Variants in CCKBR observed in about 807,000 individuals in gnomAD.
CCKBR encodes gastrin/cholecystokinin type B receptor.
A neutral mutation model predicts 34.6 loss-of-function variants in CCKBR; 33 were observed. The ratio of observed to expected loss-of-function variants is 0.95; its 90% CI spans 0.72 to 1.27. The LOEUF (loss-of-function observed/expected upper bound fraction) is 1.27, where lower values mean the gene tolerates loss of function less well. Ranked by LOEUF, CCKBR falls within the 50% of genes most tolerant of loss-of-function variation. CCKBR has a pLI of 0.00. For synonymous variants in CCKBR, 269 were observed against 267.5 expected (o/e 1.01, Z -0.06); for missense variants, 652 against 617.4 (o/e 1.06, Z -0.59).
chr11:6,268,043 T>C (rs1185745217), intron 1 of CCKBR, among the ~76,000 whole-genome samples: 1 of 152,168 alleles, frequency 6.6e-6, no homozygotes, highest in Non-Finnish European at 1.5e-5. Flanking sequence ...GGGACTTTGC[T>C]ATGTTGCTCA....
In CCKBR at chr11:6,270,104, G is replaced by A; in HGVS notation, c.420G>A (p.Val140=). The A allele has an allele frequency of 6.2e-7, 1 of 1,607,974 alleles. No homozygotes were observed. The highest frequency in any genetic ancestry group is 8.5e-7 in the Non-Finnish European group (1 of 1,175,586). The change falls in exon 3 of 5, where the codon GTG becomes GTA. Residue 140 remains valine, a synonymous_variant. Coordinates refer to ENST00000334619, the MANE Select transcript of CCKBR (RefSeq NM_176875.4). ...VSYLMGVSVS[V]STLSLVAIAL... The stretch of plus-strand genomic sequence containing the variant: ...CTTGTTTAGGGGTGTCTGTGAGTGT[G>A]TCCACGCTAAGCCTCGTGGCCATCG...
In CCKBR at chr11:6,270,198, G is replaced by T; in HGVS notation, c.514G>T (p.Ala172Ser). ...AGTGTGGCAGACGCGCTCCCACGCG[G>T]CTCGCGTGATTGTAGCCACGTGGCT... ...ARVWQTRSHA[A>S]RVIVATWLLS... is the part of the protein sequence containing the mutation. The change falls in exon 3 of 5, where the codon GCT becomes TCT. Residue 172 changes from alanine (A) to serine (S), a missense_variant. Ala to Ser is a moderately conservative substitution (Grantham distance 99, BLOSUM62 1). Transcript: ENST00000334619. 1.9e-6 allele frequency: 3 copies of T among 1,613,448 alleles called. No homozygotes were observed. The highest frequency in any genetic ancestry group is 1.7e-6 in the Non-Finnish European group (2 of 1,180,020).
At chr11:6,262,547 A>T (rs1371595445) in intron 1 of CCKBR, among the ~76,000 whole-genome samples, 4 of 152,196 alleles carry the variant, frequency 2.6e-5, no homozygotes, top group Non-Finnish European at 5.9e-5. Flanking sequence ...TTCACATTCA[A>T]TAACAAGAAA....
rs200589865 is a variant in CCKBR, at chr11:6,271,875, T to C, written c.*332T>C. The C allele has an allele frequency of 1.7e-5, 5 of 289,622 alleles. No individual in the cohort carries two copies. The highest frequency in any genetic ancestry group is 3.2e-5 in the Non-Finnish European group (5 of 155,372). 17.9% of individuals were successfully genotyped at this position (289,622 alleles called of 1,614,324 possible). On this transcript the variant is annotated 3_prime_UTR_variant, in exon 5 of 5. Transcript: ENST00000334619. ...CCTGCCTCTCACACACATAGATTAATGGCACTGATTGTTTTAGAGACTATG... is the reference window on the plus strand; with the variant it reads ...CCTGCCTCTCACACACATAGATTAACGGCACTGATTGTTTTAGAGACTATG...
chr11:6,266,635 G>A (rs1848213647), intron 1 of CCKBR, among the ~76,000 whole-genome samples: 1 of 152,206 alleles, frequency 6.6e-6, no homozygotes, highest in Non-Finnish European at 1.5e-5. Context: ...CCCTTATCAG[G>A]TGTGTGGTCT....
At chr11:6,262,386 A>G (rs1004329270) in intron 1 of CCKBR, among the ~76,000 whole-genome samples, 1 of 152,184 alleles carries the variant, frequency 6.6e-6, no homozygotes, top group Non-Finnish European at 1.5e-5. Context: ...GAATTTATGA[A>G]GGAGATTCAG....
Position 6,271,237 on chromosome 11 carries a change from G to C in CCKBR, c.1038G>C (p.Trp346Cys), listed in dbSNP as rs1327917712. 6.2e-7 allele frequency: 1 copy of C among 1,614,068 alleles called. No individual in the cohort carries two copies. The highest frequency in any genetic ancestry group is 1.7e-5 in the Admixed American group (1 of 60,012). The change falls in exon 5 of 5, where the codon TGG becomes TGC. Residue 346 changes from tryptophan (W) to cysteine (C), a missense_variant. Trp to Cys is a radical substitution (Grantham distance 215). Transcript: ENST00000334619. Reference sequence around the variant, plus strand: ...TCGTTGTGCTTTTTTTTCTGTGTTGGTTGCCAGTTTATAGTGCCAACACGT... The same window carrying C: ...TCGTTGTGCTTTTTTTTCTGTGTTGCTTGCCAGTTTATAGTGCCAACACGT... Reference protein sequence around the residue: ...LVIVVLFFLCWLPVYSANTWR... With the variant: ...LVIVVLFFLCCLPVYSANTWR...
In CCKBR at chr11:6,265,339, T is replaced by G. The variant is rs571129975; in HGVS notation, c.152-4330T>G. Among the ~76,000 whole-genome samples, 4 of 152,326 alleles carry G rather than the reference T, an allele frequency of 2.6e-5. No individual in the cohort carries two copies. In the East Asian group the frequency reaches 7.7e-4, roughly 29 times the overall value. On this transcript the variant is annotated intron_variant, in intron 1 of 4. Coordinates refer to ENST00000334619, the MANE Select transcript of CCKBR (RefSeq NM_176875.4). ...TATTGCAAACTTTATAAGGGTAATATTTAGCTCCATCTTTATGGTCTATCA... is the reference window on the plus strand; with the variant it reads ...TATTGCAAACTTTATAAGGGTAATAGTTAGCTCCATCTTTATGGTCTATCA...
chr11:6,260,703 C>G (rs748045480), intron 1 of CCKBR, among the ~76,000 whole-genome samples: 4 of 152,180 alleles, frequency 2.6e-5, no homozygotes, highest in Non-Finnish European at 5.9e-5. Flanking sequence ...TTGGAGCTTT[C>G]GAGGCTCTGT....
chr11:6,260,170 T>C (rs11040819), intron 1 of CCKBR, 91 bp downstream of exon 1: 707,295 of 895,414 alleles, frequency 0.79, 282,106 homozygotes, highest in East Asian at 0.98. Context: ...CACACTACCT[T>C]CTCAAACGTC....
intron 1 of CCKBR, among the ~76,000 whole-genome samples, chr11:6,267,167 A>G (rs1042798119): frequency 2.6e-5 from 4 of 152,328 alleles, no homozygotes; most frequent in Middle Eastern, 6.8e-3. Context: ...TAAACACTGG[A>G]TACTTAGGCT....
chr11:6,264,623 T>G (rs1437481958), intron 1 of CCKBR: 2 of 686,012 alleles, frequency 2.9e-6, no homozygotes, highest in African/African-American at 3.5e-5. Context: ...CTTGTGGATG[T>G]ACCCCAGCAG....
At chr11:6,262,058 T>C (rs904454078) in intron 1 of CCKBR, among the ~76,000 whole-genome samples, 1 of 152,198 alleles carries the variant, frequency 6.6e-6, no homozygotes, top group African/African-American at 2.4e-5. Context: ...ATAGCAATTG[T>C]ATACAATGAG....
intron 1 of CCKBR, among the ~76,000 whole-genome samples, chr11:6,263,456 C>T (rs1590666254): frequency 1.5e-5 from 2 of 137,010 alleles, no homozygotes; most frequent in East Asian, 2.3e-4. Flanking sequence ...ATTTCATTTA[C>T]TCAGATTAAC....
At chr11:6,260,523 C>T (rs1848113992) in intron 1 of CCKBR, among the ~76,000 whole-genome samples, 2 of 152,182 alleles carry the variant, frequency 1.3e-5, no homozygotes, top group South Asian at 4.1e-4. Context: ...AGGGAGGGAG[C>T]ACTCTGGAAA....
intron 1 of CCKBR, among the ~76,000 whole-genome samples, chr11:6,261,794 A>C (rs910143591): frequency 1.3e-5 from 2 of 152,188 alleles, no homozygotes; most frequent in Admixed American, 1.3e-4. Flanking sequence ...TTAGTTCTAT[A>C]ATGTGGAGAA....
Position 6,271,240 on chromosome 11 carries a change from G to A in CCKBR, c.1041G>A (p.Leu347=). The part of the protein sequence containing the change: ...VIVVLFFLCW[L]PVYSANTWRA... ...TTGTGCTTTTTTTTCTGTGTTGGTT[G>A]CCAGTTTATAGTGCCAACACGTGGC... The change falls in exon 5 of 5, where the codon TTG becomes TTA. Residue 347 remains leucine, a synonymous_variant. Coordinates refer to ENST00000334619, the MANE Select transcript of CCKBR (RefSeq NM_176875.4). 1 of 1,614,192 alleles carries A rather than the reference G, an allele frequency of 6.2e-7. No homozygotes were observed. The highest frequency in any genetic ancestry group is 8.5e-7 in the Non-Finnish European group (1 of 1,180,028).
rs753191090 is a variant in CCKBR, at chr11:6,271,006, C to T, written c.812-5C>T. 6 of 1,614,008 alleles carry T rather than the reference C, an allele frequency of 3.7e-6. No homozygotes were observed. Among genetic ancestry groups the T allele is most frequent in the Non-Finnish European group, 5.1e-6 (6 of 1,179,992 alleles). ...TTTCTCTGACCGCCCACCCTTTGTG[C>T]TCAGGGGCTGTTCACCAGAACGGGC... On this transcript the variant is annotated splice_region_variant and splice_polypyrimidine_tract_variant and intron_variant, in intron 4 of 4. Coordinates refer to ENST00000334619, the MANE Select transcript of CCKBR (RefSeq NM_176875.4).
At position 6,266,884 on chromosome 11, in the gene CCKBR, G is replaced by GTATA. The variant is rs1848217526; in HGVS notation, c.152-2784_152-2781dup. Among the ~76,000 whole-genome samples, 4 of 152,154 alleles carry GTATA rather than the reference G, an allele frequency of 2.6e-5. No homozygotes were observed. The South Asian group carries it at 8.3e-4, about 32-fold the overall frequency. ...GCCTACTACATACCTAGGCTATACG[G>GTATA]TATAGCCTACTGCTCCCAGGCTGCA... On this transcript the variant is annotated intron_variant, in intron 1 of 4. Coordinates refer to ENST00000334619, the MANE Select transcript of CCKBR (RefSeq NM_176875.4).
Sources: gnomAD v4.1 joint callset for allele counts (sites outside exome capture counted in the v4.1 genomes callset) on GRCh38, gnomAD v4.1.1 for gene constraint, MANE v1.5 for transcripts, NCBI Gene and HGNC (gene_info 2026-07-23, HGNC 2026-07-21) for gene names.